SEL1L3: variants seen among roughly 807,000 people sequenced by gnomAD.
The protein encoded by SEL1L3 is SEL1L family member 3.
Under a neutral mutation model 142.8 loss-of-function variants are expected in SEL1L3, and 76 were observed. That is an observed-to-expected ratio of 0.53 (90% CI 0.44 to 0.64). The LOEUF is 0.64. Ranked by LOEUF, SEL1L3 falls within the 30% of genes least tolerant of loss-of-function variation. The pLI, the probability that SEL1L3 is intolerant of heterozygous loss-of-function variation, is 0.00. For synonymous variants in SEL1L3, 504 were observed against 519.6 expected (o/e 0.97, Z 0.41); for missense variants, 1,262 against 1,381.7 (o/e 0.91, Z 1.37).
intron 23 of SEL1L3, among the ~76,000 whole-genome samples, chr4:25,755,300 G>A (rs188357665): frequency 7.3e-5 from 11 of 151,398 alleles, no homozygotes; most frequent in Admixed American, 1.3e-4. Flanking sequence ...ATGGGGTCTC[G>A]CTATGTTGCC....
chr4:25,822,221 A>G (rs1281513114), intron 6 of SEL1L3, 93 bp from the exon 7 acceptor site: 1 of 1,478,922 alleles, frequency 6.8e-7, no homozygotes, highest in Non-Finnish European at 9.3e-7. Context: ...GACTTAACCC[A>G]AATTGCCCCA....
chr4:25,862,598 G>C, intron 1 of SEL1L3, 77 bp downstream of exon 1: 1 of 740,890 alleles, frequency 1.3e-6, no homozygotes, highest in South Asian at 5.8e-5. Flanking sequence ...CCGCGTGGCG[G>C]GTGTCCCCGG....
intron 10 of SEL1L3, among the ~76,000 whole-genome samples, chr4:25,803,796 G>GT (rs908693973): frequency 6.6e-6 from 1 of 150,794 alleles, no homozygotes; most frequent in Non-Finnish European, 1.5e-5. Flanking sequence ...TTTTTTTGTT[G>GT]TTGTTTTGGT....
intron 9 of SEL1L3, among the ~76,000 whole-genome samples, chr4:25,805,653 A>G (rs1488389338): frequency 6.6e-6 from 1 of 152,152 alleles, no homozygotes; most frequent in East Asian, 1.9e-4. Context: ...CAAACAAGCA[A>G]GTTTTATGGC....
chr4:25,850,006 T>A (rs1312306041), intron 1 of SEL1L3, among the ~76,000 whole-genome samples: 1 of 152,146 alleles, frequency 6.6e-6, no homozygotes, highest in Admixed American at 6.5e-5. Flanking sequence ...AAAGAAGTTC[T>A]TCACGTAGAG....
the SEL1L3 span, chr4:25,720,296 G>C: frequency 6.6e-6 from 1 of 152,090 alleles, no homozygotes; most frequent in Non-Finnish European, 1.5e-5. Flanking sequence ...AAGGAGAAGG[G>C]GAAGCAGGCG....
At chr4:25,727,921 G>A in the SEL1L3 span, among the ~76,000 whole-genome samples, 1 of 152,138 alleles carries the variant, frequency 6.6e-6, no homozygotes, top group African/African-American at 2.4e-5. Context: ...CTGATTCTGT[G>A]GGCCCTCAGC....
chr4:25,823,845 C>A (rs1247430045), intron 6 of SEL1L3, among the ~76,000 whole-genome samples: 1 of 152,106 alleles, frequency 6.6e-6, no homozygotes, highest in East Asian at 1.9e-4. Context: ...TCAGGGAAAC[C>A]AGGCAACCCA....
rs528436182 is a variant in SEL1L3, at chr4:25,757,541, A to G, written c.3252T>C (p.Ser1084=). 13 of 1,547,216 alleles carry G rather than the reference A, an allele frequency of 8.4e-6. No individual in the cohort carries two copies. Among genetic ancestry groups the G allele is most frequent in the East Asian group, 2.4e-5 (1 of 40,820 alleles). ...LIAWTVQYFQ[S]VSASDPPPRP... is the part of the protein sequence containing the mutation. ...CTTTTTATAAATCTTTACCTGAGAC[A>G]GACTGGAAATACTGCACAGTCCAGG... is the stretch of plus-strand genomic sequence containing the variant. The change falls in exon 23 of 24, where the codon TCT becomes TCC. Residue 1084 remains serine, a synonymous_variant. Transcript: ENST00000399878.
In SEL1L3 at chr4:25,862,702, G is replaced by A; in HGVS notation, c.135C>T (p.Ala45=). The change falls in exon 1 of 24, where the codon GCC becomes GCT. Residue 45 remains alanine (A), a synonymous_variant. Coordinates refer to ENST00000399878, the MANE Select transcript of SEL1L3 (RefSeq NM_015187.5). ...GVPQGLGGRS[A]CALLLLCYLN... ...GGTAGCAGAGCAGGAGCAGCGCGCA[G>A]GCAGAGCGGCCGCCGAGGCCCTGGG... 1 of 1,302,516 alleles carries A rather than the reference G, an allele frequency of 7.7e-7. No homozygotes were observed. Among genetic ancestry groups the A allele is most frequent in the Non-Finnish European group, 9.8e-7 (1 of 1,022,794 alleles). The allele number at this position is 1,302,516 out of a possible 1,614,324, so 80.7% of individuals were successfully genotyped here.
chr4:25,857,981 A>G (rs1717383004), intron 1 of SEL1L3, among the ~76,000 whole-genome samples: 1 of 152,264 alleles, frequency 6.6e-6, no homozygotes, highest in African/African-American at 2.4e-5. Flanking sequence ...GAGACTGGAA[A>G]CAAGGCCTGC....
At chr4:25,752,132 A>G (rs1717639532) in intron 23 of SEL1L3, among the ~76,000 whole-genome samples, 2 of 142,930 alleles carry the variant, frequency 1.4e-5, no homozygotes, top group Non-Finnish European at 3.0e-5. Flanking sequence ...AAATAGTTGA[A>G]TGGGCAAGGT....
At chr4:25,753,424 C>T (rs554382437) in intron 23 of SEL1L3, among the ~76,000 whole-genome samples, 1 of 152,332 alleles carries the variant, frequency 6.6e-6, no homozygotes, top group South Asian at 2.1e-4. Flanking sequence ...CTCTTTTTTA[C>T]AGTCAGTCAG....
At chr4:25,811,437 G>A (rs1256141326) in intron 9 of SEL1L3, among the ~76,000 whole-genome samples, 1 of 152,138 alleles carries the variant, frequency 6.6e-6, no homozygotes, top group Non-Finnish European at 1.5e-5. Context: ...AGAAATGAGG[G>A]AAATGTGGAA....
chr4:25,826,527 G>A (rs758207247), intron 6 of SEL1L3, among the ~76,000 whole-genome samples: 7 of 152,220 alleles, frequency 4.6e-5, no homozygotes, highest in African/African-American at 1.2e-4. Flanking sequence ...AGGAACCCCC[G>A]GGGGACTCTG....
chr4:25,799,831 G>A (rs1377706021), intron 11 of SEL1L3, among the ~76,000 whole-genome samples: 1 of 152,184 alleles, frequency 6.6e-6, no homozygotes, highest in African/African-American at 2.4e-5. Context: ...AGAGATTAAG[G>A]TCTGAGTATT....
intron 1 of SEL1L3, among the ~76,000 whole-genome samples, chr4:25,862,427 G>A (rs561958306): frequency 6.6e-6 from 1 of 152,262 alleles, no homozygotes; most frequent in Non-Finnish European, 1.5e-5. Flanking sequence ...CCCGGGTCTA[G>A]AGAGAGTCCA....
At chr4:25,790,282 G>A (rs979215585) in intron 12 of SEL1L3, among the ~76,000 whole-genome samples, 173 bp downstream of exon 12, 3 of 152,180 alleles carry the variant, frequency 2.0e-5, no homozygotes, top group Non-Finnish European at 4.4e-5. Context: ...GGACTCTTAA[G>A]GGACTGTGAC....
rs550943216 is a variant in SEL1L3, at chr4:25,757,568, G to A, written c.3225C>T (p.Ile1075=). ...FLGTFLLSIL[I]AWTVQYFQSV... The stretch of plus-strand genomic sequence containing the variant: ...ACTGGAAATACTGCACAGTCCAGGC[G>A]ATCAATATGGATAGCAGAAAGGTTC... Residue 1075 remains isoleucine (I), a synonymous_variant, in exon 23 of 24, where the codon ATC becomes ATT. Transcript: ENST00000399878. 57 of 1,550,600 alleles carry A rather than the reference G, an allele frequency of 3.7e-5. No individual in the cohort carries two copies. The East Asian group carries it at 1.1e-3, about 31-fold the overall frequency.
Sources: allele counts gnomAD v4.1 joint callset (sites outside exome capture counted in the v4.1 genomes callset), GRCh38; gene constraint gnomAD v4.1.1; transcripts MANE v1.5; gene names NCBI Gene and HGNC (gene_info 2026-07-23, HGNC 2026-07-21).